CTNNA2: variants seen among roughly 807,000 people sequenced by gnomAD.
CTNNA2 encodes catenin alpha-2.
CTNNA2 carries 42 observed loss-of-function variants against 101.0 expected under a neutral mutation model. That is an observed-to-expected ratio of 0.42 (90% confidence interval 0.32 to 0.54). The LOEUF (loss-of-function observed/expected upper bound fraction) is 0.54. Ranked by LOEUF, CTNNA2 falls within the 20% of genes least tolerant of loss-of-function variation. CTNNA2 has a pLI of 0.14. For missense variants in CTNNA2, 871 were observed against 1,223.1 expected, an observed-to-expected ratio of 0.71 and a Z score of 4.29; for synonymous variants, 450 against 456.4, an observed-to-expected ratio of 0.99 and a Z score of 0.18.
rs541423508 is a variant in CTNNA2, at chr2:80,461,416, C to T, written c.1290+41815C>T. On this transcript the variant is annotated intron_variant, in intron 9 of 18. Transcript: ENST00000402739. Reference sequence around the variant, plus strand: ...CTCCTTAGCTATAAATTGCCGCTGCCCATGCTGTATTCAGAATGAAGCCGT... The same window carrying T: ...CTCCTTAGCTATAAATTGCCGCTGCTCATGCTGTATTCAGAATGAAGCCGT... 4.6e-5 allele frequency among the ~76,000 whole-genome samples: 7 copies of T among 152,210 alleles called. No homozygotes were observed. In the South Asian group the frequency reaches 1.2e-3, roughly 27 times the overall value.
chr2:80,513,694 C>T (rs1182382892), intron 9 of CTNNA2, among the ~76,000 whole-genome samples: 1 of 152,162 alleles, frequency 6.6e-6, no homozygotes, highest in Non-Finnish European at 1.5e-5. Context: ...AAAGGAGTAA[C>T]ACGCATAATT....
At position 80,584,134 on chromosome 2, in the gene CTNNA2, G is replaced by C. The variant is rs193069293; in HGVS notation, c.2007+2315G>C. On this transcript the variant is annotated intron_variant, in intron 14 of 18. Coordinates refer to ENST00000402739, the MANE Select transcript of CTNNA2 (RefSeq NM_001282597.3). ...GATGGTCAGACTTTTGACCAGCAAAGTGTGCTAAGTTGGTCCAAATTTTGA... is the reference window on the plus strand; with the variant it reads ...GATGGTCAGACTTTTGACCAGCAAACTGTGCTAAGTTGGTCCAAATTTTGA... Among the ~76,000 whole-genome samples, 480 of 152,230 alleles carry C rather than the reference G, an allele frequency of 3.2e-3. 5 individuals are homozygous for C. Among genetic ancestry groups the C allele is most frequent in the African/African-American group, 0.011 (462 of 41,548 alleles).
At chr2:80,139,711 A>G (rs143208309) in intron 7 of CTNNA2, among the ~76,000 whole-genome samples, 3,331 of 152,328 alleles carry the variant, frequency 0.022, 69 homozygotes, top group Middle Eastern at 0.037. Flanking sequence ...AAGGAGCTGC[A>G]CACCCTAAAT....
At chr2:79,327,494 A>T (rs1379731251) in intron 3 of CTNNA2, among the ~76,000 whole-genome samples, 1 of 152,180 alleles carries the variant, frequency 6.6e-6, no homozygotes, top group African/African-American at 2.4e-5. Context: ...GCTATTGAAA[A>T]ATGAAAGAAA....
At chr2:79,539,218 AGGAGTGAGG>A (rs1490246771) in intron 1 of CTNNA2, among the ~76,000 whole-genome samples, 18 of 152,194 alleles carry the variant, frequency 1.2e-4, no homozygotes, top group African/African-American at 4.3e-4. Flanking sequence ...ATATATTAAT[AGGAGTGAGG>A]CATGCAAATG....
intron 4 of CTNNA2, among the ~76,000 whole-genome samples, chr2:79,449,616 A>T (rs906492474): frequency 2.0e-5 from 3 of 152,076 alleles, no homozygotes; most frequent in Non-Finnish European, 4.4e-5. Context: ...GAAACAGTTT[A>T]CCTCTGTTTT....
intron 7 of CTNNA2, among the ~76,000 whole-genome samples, chr2:80,151,834 T>C (rs193088587): frequency 6.6e-6 from 1 of 152,226 alleles, no homozygotes; most frequent in Non-Finnish European, 1.5e-5. Context: ...CAGTGCTGCC[T>C]CTTCTGCTGC....
chr2:79,535,269 A>G (rs1416804339), intron 1 of CTNNA2, among the ~76,000 whole-genome samples: 2 of 151,976 alleles, frequency 1.3e-5, no homozygotes, highest in African/African-American at 4.8e-5. Context: ...CAGTGGTGCA[A>G]TCTTGGCTCA....
At chr2:79,667,971 T>G (rs531848502) in intron 2 of CTNNA2, among the ~76,000 whole-genome samples, 1 of 152,236 alleles carries the variant, frequency 6.6e-6, no homozygotes, top group South Asian at 2.1e-4. Context: ...CCGGGCGCGG[T>G]GGCTCACGCC....
At chr2:79,818,422 C>A (rs1677706032) in intron 3 of CTNNA2, among the ~76,000 whole-genome samples, 1 of 152,022 alleles carries the variant, frequency 6.6e-6, no homozygotes, top group African/African-American at 2.4e-5. Context: ...AAGTGATTCT[C>A]CTACCTCAGC....
At chr2:79,497,164 G>T (rs1671265270) in intron 4 of CTNNA2, among the ~76,000 whole-genome samples, 1 of 152,206 alleles carries the variant, frequency 6.6e-6, no homozygotes, top group Admixed American at 6.5e-5. Flanking sequence ...GTCCCACATG[G>T]CAGGGGCCTG....
chr2:79,281,160 A>G (rs1389762431), intron 2 of CTNNA2, among the ~76,000 whole-genome samples: 1 of 152,036 alleles, frequency 6.6e-6, no homozygotes. Context: ...TTACATGATC[A>G]TAGGCAGTCT....
At chr2:80,250,182 GGAGAGAGAGA>G (rs67176913) in intron 7 of CTNNA2, among the ~76,000 whole-genome samples, 1 of 142,038 alleles carries the variant, frequency 7.0e-6, no homozygotes, top group African/African-American at 2.7e-5. Flanking sequence ...ATGGATGGGG[GGAGAGAGAGA>G]GAGAGAGAGA....
At chr2:80,166,710 G>T (rs769046229) in intron 7 of CTNNA2, among the ~76,000 whole-genome samples, 4 of 152,154 alleles carry the variant, frequency 2.6e-5, no homozygotes, top group Non-Finnish European at 5.9e-5. Context: ...TGTGATCTGT[G>T]TCTGAAGCTG....
chr2:79,953,609 A>C (rs563777032), intron 7 of CTNNA2, among the ~76,000 whole-genome samples: 28 of 152,308 alleles, frequency 1.8e-4, no homozygotes, highest in African/African-American at 6.3e-4. Flanking sequence ...CAGACAGGCG[A>C]TTATTGGGTA....
chr2:79,509,851 G>T (rs972277006), upstream of CTNNA2, among the ~76,000 whole-genome samples: 1 of 152,200 alleles, frequency 6.6e-6, no homozygotes, highest in East Asian at 1.9e-4. Flanking sequence ...TGTGGGGGCC[G>T]GAGGTATATG....
intron 9 of CTNNA2, 150 bp downstream of exon 9, chr2:80,419,751 AC>A: frequency 1.3e-6 from 1 of 756,972 alleles, no homozygotes; most frequent in Non-Finnish European, 2.0e-6. Context: ...TGATTACTGT[AC>A]CCCCTTTCGA....
chr2:79,412,098 G>A (rs1382382390), intron 4 of CTNNA2, among the ~76,000 whole-genome samples: 1 of 152,018 alleles, frequency 6.6e-6, no homozygotes, highest in Non-Finnish European at 1.5e-5. Flanking sequence ...TGCAATCCTA[G>A]TCTCTGATAA....
chr2:80,150,136 A>G (rs1703603276), intron 7 of CTNNA2, among the ~76,000 whole-genome samples: 1 of 152,076 alleles, frequency 6.6e-6, no homozygotes, highest in Non-Finnish European at 1.5e-5. Flanking sequence ...TCACGCCTGC[A>G]TTACTGCTGC....
Sources: allele counts gnomAD v4.1 joint callset (sites outside exome capture counted in the v4.1 genomes callset), GRCh38; gene constraint gnomAD v4.1.1; transcripts MANE v1.5; gene names NCBI Gene and HGNC (gene_info 2026-07-23, HGNC 2026-07-21).